The following SNTG1 variants were observed in gnomAD, a reference collection of about 807,000 sequenced individuals.
SNTG1 encodes syntrophin gamma 1, also known as gamma-1-syntrophin.
Under a neutral mutation model 74.7 loss-of-function variants are expected in SNTG1, and 39 were observed. That is an observed-to-expected ratio of 0.52 (90% CI 0.40 to 0.68). The LOEUF is 0.68. Among genes scored for constraint, SNTG1 ranks in the 30% least tolerant of loss-of-function variants. The probability of loss-of-function intolerance (pLI) is 0.00; values close to 1 mark genes in which losing one functional copy is unlikely to be tolerated. For missense variants in SNTG1, 685 were observed against 609.5 expected, an observed-to-expected ratio of 1.12 and a Z score of -1.30; for synonymous variants, 254 against 217.1, an observed-to-expected ratio of 1.17 and a Z score of -1.49.
intron 2 of SNTG1, among the ~76,000 whole-genome samples, chr8:50,340,265 A>G (rs900983796): frequency 5.9e-5 from 9 of 152,050 alleles, no homozygotes; most frequent in Admixed American, 3.3e-4. Context: ...GGCTAACACA[A>G]TAGTGAAGAA....
chr8:50,658,587 TA>T lies in SNTG1; in HGVS notation c.967-2del. 6.3e-7 allele frequency: 1 copy of T among 1,592,300 alleles called. No individual in the cohort carries two copies. The highest frequency in any genetic ancestry group is 8.6e-7 in the Non-Finnish European group (1 of 1,164,174). On this transcript the variant is annotated splice_polypyrimidine_tract_variant and splice_region_variant and intron_variant, in intron 14 of 18. Coordinates refer to ENST00000642720, the MANE Select transcript of SNTG1 (RefSeq NM_018967.5). Reference sequence around the variant, plus strand: ...AATTAAACATTATTTTCTTATCTTTTAAAGGTGACCACCTGGGACTGGACGA... The same window carrying T: ...AATTAAACATTATTTTCTTATCTTTTAAGGTGACCACCTGGGACTGGACGA...
intron 1 of SNTG1, among the ~76,000 whole-genome samples, chr8:50,035,754 T>G (rs1818104659): frequency 6.6e-6 from 1 of 152,080 alleles, no homozygotes; most frequent in Non-Finnish European, 1.5e-5. Context: ...CAGACAAGAC[T>G]GTTTAAGGAA....
rs973534939 is a variant in SNTG1, at chr8:50,352,775, C to T, written c.-27-41437C>T. 8.5e-5 allele frequency among the ~76,000 whole-genome samples: 13 copies of T among 152,108 alleles called. No homozygotes were observed. The East Asian group carries it at 1.2e-3, about 14-fold the overall frequency. On this transcript the variant is annotated intron_variant, in intron 2 of 18. Coordinates refer to ENST00000642720, the MANE Select transcript of SNTG1 (RefSeq NM_018967.5). ...GCAGTTGAAATTCTCTTGCCTTGTCCTACAATATTTAGGCTTCTCAGAATG... is the reference window on the plus strand; with the variant it reads ...GCAGTTGAAATTCTCTTGCCTTGTCTTACAATATTTAGGCTTCTCAGAATG...
chr8:50,478,344 T>C (rs1361805327), intron 8 of SNTG1, among the ~76,000 whole-genome samples: 1 of 152,216 alleles, frequency 6.6e-6, no homozygotes, highest in Non-Finnish European at 1.5e-5. Flanking sequence ...AATCTTGTAT[T>C]ATTTTTAATG....
At chr8:50,128,694 G>A (rs993455699) in intron 1 of SNTG1, among the ~76,000 whole-genome samples, 10 of 152,086 alleles carry the variant, frequency 6.6e-5, no homozygotes, top group Non-Finnish European at 1.3e-4. Flanking sequence ...CCAGCTTCAT[G>A]GAGTGTTGAA....
At chr8:50,551,773 A>T (rs1238317753) in intron 11 of SNTG1, among the ~76,000 whole-genome samples, 15 of 152,224 alleles carry the variant, frequency 9.9e-5, no homozygotes, top group Admixed American at 9.8e-4. Context: ...AAAAGAAAAC[A>T]AAAGAGCATA....
chr8:49,938,603 T>TTTTTTTCTTTTCTTTCTTTCTTTC lies in SNTG1; in HGVS notation c.-103+26375_-103+26376insTTTCTTTTCTTTCTTTCTTTCTTT, dbSNP rs1554524905. Reference sequence around the variant, plus strand: ...TTTTCTTTTCTTTTCTTTTCTTTTCTTTTCTTTCTTTCTTTCTTTCTTTCT... The same window carrying TTTTTTTCTTTTCTTTCTTTCTTTC: ...TTTTCTTTTCTTTTCTTTTCTTTTCTTTTTTTCTTTTCTTTCTTTCTTTCTTTCTTTCTTTCTTTCTTTCTTTCT... On this transcript the variant is annotated intron_variant, in intron 1 of 18. Coordinates refer to ENST00000642720, the MANE Select transcript of SNTG1 (RefSeq NM_018967.5). 2.7e-5 allele frequency among the ~76,000 whole-genome samples: 2 copies of TTTTTTTCTTTTCTTTCTTTCTTTC among 74,754 alleles called. 1 individual carries two copies. Among genetic ancestry groups the TTTTTTTCTTTTCTTTCTTTCTTTC allele is most frequent in the Non-Finnish European group, 5.5e-5 (2 of 36,580 alleles). The allele number at this position is 74,754 out of a possible 152,430, so 49.0% of individuals were successfully genotyped here. A position where few individuals can be genotyped will look rare whatever the true frequency, so the allele number is the denominator to read the frequency against.
At chr8:50,352,050 C>A (rs942579068) in intron 2 of SNTG1, among the ~76,000 whole-genome samples, 1 of 152,128 alleles carries the variant, frequency 6.6e-6, no homozygotes, top group Non-Finnish European at 1.5e-5. Flanking sequence ...GCACATGAAG[C>A]ATAACCATGC....
chr8:50,209,186 C>T (rs2084391016), intron 2 of SNTG1, among the ~76,000 whole-genome samples: 1 of 152,114 alleles, frequency 6.6e-6, no homozygotes, highest in Non-Finnish European at 1.5e-5. Context: ...GGGTGCCCGC[C>T]ATTGCTGAGG....
At chr8:50,727,159 G>A (rs2095502191) in intron 17 of SNTG1, among the ~76,000 whole-genome samples, 1 of 152,178 alleles carries the variant, frequency 6.6e-6, no homozygotes, top group African/African-American at 2.4e-5. Context: ...AGAGATTCAT[G>A]AGGTGTGTGG....
At chr8:50,424,307 C>A (rs2093134791) in intron 4 of SNTG1, among the ~76,000 whole-genome samples, 1 of 152,010 alleles carries the variant, frequency 6.6e-6, no homozygotes, top group Non-Finnish European at 1.5e-5. Context: ...ACAAAACAAA[C>A]AAACAAACAA....
intron 1 of SNTG1, among the ~76,000 whole-genome samples, chr8:49,986,638 C>T (rs1585778454): frequency 6.7e-6 from 1 of 149,662 alleles, no homozygotes; most frequent in Non-Finnish European, 1.5e-5. Context: ...TTTTGGAGGC[C>T]AAGGAGGGCA....
At chr8:50,560,249 G>A (rs1196022477) in intron 12 of SNTG1, among the ~76,000 whole-genome samples, 2 of 152,214 alleles carry the variant, frequency 1.3e-5, no homozygotes, top group Non-Finnish European at 2.9e-5. Context: ...ACAGAAAAAG[G>A]AATGCATCTA....
intron 4 of SNTG1, among the ~76,000 whole-genome samples, chr8:50,418,747 A>G (rs923979815): frequency 2.6e-5 from 4 of 152,036 alleles, no homozygotes; most frequent in Admixed American, 2.0e-4. Flanking sequence ...TTATTCCCCA[A>G]ATTAATTCCC....
intron 13 of SNTG1, among the ~76,000 whole-genome samples, chr8:50,621,409 G>T (rs975337540): frequency 6.6e-6 from 1 of 152,142 alleles, no homozygotes; most frequent in Non-Finnish European, 1.5e-5. Context: ...GTAGAAGCAG[G>T]GGAAGAAAGT....
intron 4 of SNTG1, among the ~76,000 whole-genome samples, chr8:50,408,451 A>C (rs1247009065): frequency 1.3e-5 from 2 of 152,260 alleles, no homozygotes; most frequent in African/African-American, 2.4e-5. Flanking sequence ...TGGTTCCAAA[A>C]GCCCTTGTGG....
intron 18 of SNTG1, among the ~76,000 whole-genome samples, chr8:50,786,971 GA>G (rs1039548619): frequency 2.6e-5 from 4 of 151,730 alleles, no homozygotes; most frequent in Non-Finnish European, 5.9e-5. Flanking sequence ...AATCAAAGGG[GA>G]AAAAAATAGA....
At chr8:50,324,963 A>G (rs2090681363) in intron 2 of SNTG1, among the ~76,000 whole-genome samples, 1 of 146,296 alleles carries the variant, frequency 6.8e-6, no homozygotes, top group Non-Finnish European at 1.5e-5. Context: ...ATATATATAT[A>G]TATATATAGA....
intron 8 of SNTG1, among the ~76,000 whole-genome samples, chr8:50,475,237 A>G (rs1446675825): frequency 6.6e-6 from 1 of 151,472 alleles, no homozygotes; most frequent in East Asian, 1.9e-4. Flanking sequence ...TAATAATAAT[A>G]ATAATAATAA....
Sources: allele counts gnomAD v4.1 joint callset (sites outside exome capture counted in the v4.1 genomes callset), GRCh38; gene constraint gnomAD v4.1.1; transcripts MANE v1.5; gene names NCBI Gene and HGNC (gene_info 2026-07-23, HGNC 2026-07-21).